The following DIS3L2 variants were observed in gnomAD, a reference collection of about 807,000 sequenced individuals.
The protein encoded by DIS3L2 is DIS3-like exonuclease 2.
A neutral mutation model predicts 97.5 loss-of-function variants in DIS3L2; 34 were observed. The observed-to-expected ratio is 0.35, with a 90% CI of 0.27 to 0.46. DIS3L2 has a LOEUF of 0.46. Ranked by LOEUF, DIS3L2 falls within the 20% of genes least tolerant of loss-of-function variation. The pLI is 1.00. For missense variants in DIS3L2, 1,038 were observed against 1,146.0 expected (o/e 0.91, Z 1.36); for synonymous variants, 435 against 445.2 (o/e 0.98, Z 0.29).
At chr2:232,078,717 G>C (rs1229891423) in intron 5 of DIS3L2, among the ~76,000 whole-genome samples, 1 of 152,202 alleles carries the variant, frequency 6.6e-6, no homozygotes, top group Non-Finnish European at 1.5e-5. Flanking sequence ...AAAATGTGTA[G>C]TATACAGTTA....
intron 14 of DIS3L2, among the ~76,000 whole-genome samples, chr2:232,304,335 A>G (rs995996568): frequency 1.3e-5 from 2 of 152,154 alleles, no homozygotes; most frequent in African/African-American, 4.8e-5. Flanking sequence ...ATTCAGTTAC[A>G]CATTTATGAA....
intron 1 of DIS3L2, among the ~76,000 whole-genome samples, chr2:231,968,091 T>C (rs1444301872): frequency 6.6e-6 from 1 of 150,916 alleles, no homozygotes; most frequent in Admixed American, 6.6e-5. Context: ...CTATCCCAGA[T>C]AACTGATTTT....
intron 9 of DIS3L2, among the ~76,000 whole-genome samples, chr2:232,183,674 T>C (rs753260495): frequency 5.3e-5 from 8 of 152,256 alleles, no homozygotes; most frequent in Non-Finnish European, 1.0e-4. Context: ...CAGTTCTTGT[T>C]GACCAGTACT....
chr2:232,300,472 C>T (rs918531064), intron 14 of DIS3L2, among the ~76,000 whole-genome samples: 6 of 152,150 alleles, frequency 3.9e-5, no homozygotes, highest in African/African-American at 1.2e-4. Context: ...TTGTAGTTCT[C>T]AGTCACTATC....
At chr2:232,253,015 T>G (rs529578476) in intron 12 of DIS3L2, among the ~76,000 whole-genome samples, 2 of 152,340 alleles carry the variant, frequency 1.3e-5, no homozygotes, top group African/African-American at 4.8e-5. Flanking sequence ...CTATAGTTTG[T>G]GTGTCAGTTG....
At chr2:232,129,120 T>TGG (rs1190506159) in intron 6 of DIS3L2, among the ~76,000 whole-genome samples, 1 of 152,182 alleles carries the variant, frequency 6.6e-6, no homozygotes, top group Non-Finnish European at 1.5e-5. Context: ...CATTTGAAGA[T>TGG]GGAGCCATCA....
chr2:232,186,810 T>A (rs979351562), intron 9 of DIS3L2, among the ~76,000 whole-genome samples: 3 of 152,184 alleles, frequency 2.0e-5, no homozygotes, highest in Non-Finnish European at 4.4e-5. Flanking sequence ...TGTGTACAAA[T>A]TAATTTAAAG....
chr2:231,968,604 T>G (rs1419442357), intron 1 of DIS3L2, among the ~76,000 whole-genome samples: 1 of 152,226 alleles, frequency 6.6e-6, no homozygotes, highest in African/African-American at 2.4e-5. Flanking sequence ...ATTAATACAT[T>G]TACCTACCAA....
chr2:232,256,263 T>C (rs1422739699), intron 12 of DIS3L2, among the ~76,000 whole-genome samples: 1 of 152,240 alleles, frequency 6.6e-6, no homozygotes, highest in Non-Finnish European at 1.5e-5. Flanking sequence ...TCCTGGAGCA[T>C]TGCTGCTCAC....
intron 5 of DIS3L2, among the ~76,000 whole-genome samples, chr2:232,071,795 T>C (rs1177862009): frequency 1.3e-5 from 2 of 152,154 alleles, no homozygotes; most frequent in East Asian, 1.9e-4. Context: ...CACCTTGGCC[T>C]CCCAAAATGC....
At chr2:232,087,796 A>G in intron 6 of DIS3L2, 75 bp downstream of exon 6, 1 of 1,181,150 alleles carries the variant, frequency 8.5e-7, no homozygotes, top group Non-Finnish European at 1.2e-6. Flanking sequence ...TCTGCTGCAG[A>G]GTAAATAACA....
chr2:232,166,345 C>T (rs1001306906), intron 9 of DIS3L2, among the ~76,000 whole-genome samples: 7 of 151,648 alleles, frequency 4.6e-5, no homozygotes, highest in Admixed American at 3.3e-4. Context: ...CACACGCGTG[C>T]GCGCGCGCCC....
downstream of DIS3L2, among the ~76,000 whole-genome samples, chr2:232,341,714 C>T (rs1382224786): frequency 1.3e-5 from 2 of 152,226 alleles, no homozygotes; most frequent in African/African-American, 4.8e-5. Flanking sequence ...TCCGCCTCTT[C>T]AATCTTGACA....
At chr2:232,321,026 C>T (rs6705887) in intron 14 of DIS3L2, among the ~76,000 whole-genome samples, 17,716 of 152,078 alleles carry the variant, frequency 0.12, 1,486 homozygotes, top group African/African-American at 0.24. Flanking sequence ...GGCTTGGGTG[C>T]GGGGAGCAGA....
chr2:232,310,349 C>G (rs1470135367), intron 14 of DIS3L2, among the ~76,000 whole-genome samples: 1 of 152,216 alleles, frequency 6.6e-6, no homozygotes, highest in African/African-American at 2.4e-5. Flanking sequence ...GTCAGCCACT[C>G]ACAGTGCAGG....
At position 232,246,062 on chromosome 2, in the gene DIS3L2, C is replaced by T. The variant is rs563791173; in HGVS notation, c.1318-3177C>T. Among the ~76,000 whole-genome samples, 6 of 152,334 alleles carry T rather than the reference C, an allele frequency of 3.9e-5. No individual in the cohort carries two copies. In the South Asian group the frequency reaches 1.2e-3, roughly 32 times the overall value. ...AGACAGGAGTGAGGCCTGGCCCTTG[C>T]TCCTGAGGTTTCAGTGTCTGTGGCA... On this transcript the variant is annotated intron_variant, in intron 11 of 20. Coordinates refer to ENST00000325385, the MANE Select transcript of DIS3L2 (RefSeq NM_152383.5).
intron 20 of DIS3L2, 70 bp downstream of exon 20, chr2:232,335,944 C>T: frequency 1.9e-6 from 3 of 1,546,108 alleles, no homozygotes; most frequent in East Asian, 2.4e-5. Flanking sequence ...CGGTGCCCCT[C>T]ATTCCTTCAT....
At position 232,139,057 on chromosome 2, in the gene DIS3L2, T is replaced by C. The variant is rs1698438023; in HGVS notation, c.950+2338T>C. Among the ~76,000 whole-genome samples the C allele has an allele frequency of 3.9e-5, 6 of 152,208 alleles. No individual in the cohort carries two copies. The South Asian group carries it at 1.2e-3, about 31-fold the overall frequency. On this transcript the variant is annotated intron_variant, in intron 8 of 20. Coordinates refer to ENST00000325385, the MANE Select transcript of DIS3L2 (RefSeq NM_152383.5). ...AGTCTAATGCAAAAGGATTTTTGCA[T>C]GTATATATCATAGCGATAATTTGAT... is the stretch of plus-strand genomic sequence containing the variant.
chr2:232,286,732 A>C (rs1200021681), intron 13 of DIS3L2, among the ~76,000 whole-genome samples: 2 of 152,328 alleles, frequency 1.3e-5, no homozygotes, highest in East Asian at 3.9e-4. Flanking sequence ...TTCAAAACCC[A>C]GCAGCCTAAA....
Sources: gnomAD v4.1 joint callset for allele counts (sites outside exome capture counted in the v4.1 genomes callset) on GRCh38, gnomAD v4.1.1 for gene constraint, MANE v1.5 for transcripts, NCBI Gene and HGNC (gene_info 2026-07-23, HGNC 2026-07-21) for gene names.